The following TTC7A variants were observed in gnomAD, a reference collection of about 807,000 sequenced individuals.
The protein encoded by TTC7A is tetratricopeptide repeat protein 7A.
Under a neutral mutation model 103.7 loss-of-function variants are expected in TTC7A, and 110 were observed. The ratio of observed to expected loss-of-function variants is 1.06; its 90% CI spans 0.91 to 1.24. The LOEUF (loss-of-function observed/expected upper bound fraction) is 1.24, where lower values mean the gene tolerates loss of function less well. TTC7A is among the 50% of genes most tolerant of loss of function. The probability of loss-of-function intolerance (pLI) is 0.00; values close to 1 mark genes in which losing one functional copy is unlikely to be tolerated. For synonymous variants in TTC7A, 521 were observed against 467.9 expected (o/e 1.11, Z -1.47); for missense variants, 1,340 against 1,116.3 (o/e 1.20, Z -2.86).
At chr2:47,000,645 G>A (rs557487669) in intron 8 of TTC7A, among the ~76,000 whole-genome samples, 1 of 152,304 alleles carries the variant, frequency 6.6e-6, no homozygotes, top group South Asian at 2.1e-4. Context: ...CAGCACAGGG[G>A]GAGCATGACA....
chr2:46,933,618 C>G (rs1669821967), intron 2 of TTC7A, among the ~76,000 whole-genome samples: 1 of 152,164 alleles, frequency 6.6e-6, no homozygotes, highest in African/African-American at 2.4e-5. Context: ...AGGATGTGCT[C>G]TGAGCCAATG....
chr2:46,995,285 A>G (rs543501686), intron 8 of TTC7A, 86 bp downstream of exon 8: 2 of 1,318,808 alleles, frequency 1.5e-6, no homozygotes, highest in Non-Finnish European at 1.1e-6. Context: ...GCCACCCGTG[A>G]CCTAGCCAAA....
At chr2:47,006,828 TG>T in intron 10 of TTC7A, 104 bp downstream of exon 10, 1 of 935,648 alleles carries the variant, frequency 1.1e-6, no homozygotes, top group Non-Finnish European at 1.7e-6. Context: ...GGTATTATCC[TG>T]CCGCTGGTTT....
rs1677520004 is a variant in TTC7A, at chr2:47,007,288, A to G, written c.1287+564A>G. ...CTGCCCGGAGCAAGGAGCACCGGGC[A>G]TGAGTTCACTCTCTATCCACCCAGC... is the stretch of plus-strand genomic sequence containing the variant. On this transcript the variant is annotated intron_variant, in intron 10 of 19. Coordinates refer to ENST00000319190, the MANE Select transcript of TTC7A (RefSeq NM_020458.4). This position sits in a 1 kb window ranked among gnomAD's most constrained non-coding sequence, Gnocchi z 4.9. Among the ~76,000 whole-genome samples, 1 of 151,962 alleles carries G rather than the reference A, an allele frequency of 6.6e-6. No individual in the cohort carries two copies. Among genetic ancestry groups the G allele is most frequent in the African/African-American group, 2.4e-5 (1 of 41,350 alleles).
chr2:47,014,688 CA>C (rs2104506135), intron 11 of TTC7A, among the ~76,000 whole-genome samples: 1 of 152,382 alleles, frequency 6.6e-6, no homozygotes, highest in East Asian at 1.9e-4. Flanking sequence ...CCTGCCTTCG[CA>C]GTTATTCTGG....
intron 2 of TTC7A, among the ~76,000 whole-genome samples, chr2:46,933,135 G>C (rs1669799154): frequency 6.6e-6 from 1 of 152,174 alleles, no homozygotes; most frequent in Non-Finnish European, 1.5e-5. Flanking sequence ...GAAATCATGG[G>C]CTCCTGCTCT....
chr2:47,006,825 TC>T (rs2104458194), intron 10 of TTC7A, 101 bp downstream of exon 10: 1 of 958,994 alleles, frequency 1.0e-6, no homozygotes, highest in East Asian at 2.5e-5. Flanking sequence ...GTGGGTATTA[TC>T]CTGCCGCTGG....
chr2:47,066,918 A>T (rs1387607672), intron 19 of TTC7A, among the ~76,000 whole-genome samples: 1 of 152,196 alleles, frequency 6.6e-6, no homozygotes, highest in Non-Finnish European at 1.5e-5. Flanking sequence ...TTTGGCTCAC[A>T]GTTCTGGAGG....
At chr2:47,008,339 G>C (rs1677645535) in intron 10 of TTC7A, among the ~76,000 whole-genome samples, 1 of 152,182 alleles carries the variant, frequency 6.6e-6, no homozygotes, top group South Asian at 2.1e-4. Context: ...AAATCCGAGA[G>C]AGGCTCCTAG....
At chr2:47,052,484 A>G (rs1015821337) in intron 18 of TTC7A, among the ~76,000 whole-genome samples, 1 of 152,198 alleles carries the variant, frequency 6.6e-6, no homozygotes, top group Non-Finnish European at 1.5e-5. Context: ...AGTGCTCAGC[A>G]AAAGGTGTTT....
chr2:46,974,881 C>T (rs934535549), intron 3 of TTC7A, 92 bp from the exon 4 acceptor site: 3 of 1,539,368 alleles, frequency 1.9e-6, no homozygotes, highest in Non-Finnish European at 2.6e-6. Context: ...AGTGTCTGCC[C>T]CCTCGGATGA....
In TTC7A at chr2:46,994,365, C is replaced by T; in HGVS notation, c.852C>T (p.Ala284=). ...KATQNFKVMA[A]KHLAGVLLHS... is the part of the protein sequence containing the mutation. ...GCTTCCCTCTCTGCCAGATGGCGGCCAAGCACCTGGCGGGGGTCCTGCTGC... is the reference window on the plus strand; with the variant it reads ...GCTTCCCTCTCTGCCAGATGGCGGCTAAGCACCTGGCGGGGGTCCTGCTGC... Residue 284 remains alanine, a synonymous_variant, in exon 7 of 20, where the codon GCC becomes GCT. Transcript: ENST00000319190. The T allele has an allele frequency of 1.2e-6, 2 of 1,612,438 alleles. No homozygotes were observed. Among genetic ancestry groups the T allele is most frequent in the Non-Finnish European group, 1.7e-6 (2 of 1,179,130 alleles).
At chr2:47,046,486 A>T in intron 16 of TTC7A, 55 bp downstream of exon 16, 14 of 1,425,462 alleles carry the variant, frequency 9.8e-6, no homozygotes, top group South Asian at 1.1e-5. Context: ...CAGGGCAACA[A>T]TCCACAGCTG....
intron 8 of TTC7A, chr2:46,999,693 C>G (rs1339652411): frequency 2.0e-6 from 2 of 985,316 alleles, no homozygotes; most frequent in African/African-American, 3.5e-5. Flanking sequence ...GTGTATCAAA[C>G]CAGCCTGATT....
At chr2:46,931,432 T>C (rs1406046981) in intron 2 of TTC7A, among the ~76,000 whole-genome samples, 1 of 152,188 alleles carries the variant, frequency 6.6e-6, no homozygotes, top group Non-Finnish European at 1.5e-5. Flanking sequence ...GGTGATTAAA[T>C]TGAGGACCTT....
At chr2:46,969,376 G>A (rs1270236357) in intron 3 of TTC7A, among the ~76,000 whole-genome samples, 1 of 151,944 alleles carries the variant, frequency 6.6e-6, no homozygotes, top group Non-Finnish European at 1.5e-5. Context: ...GCTTAGTGGC[G>A]GGTGTCTGTA....
intron 18 of TTC7A, among the ~76,000 whole-genome samples, chr2:47,055,105 C>A (rs1447609561): frequency 6.6e-6 from 1 of 152,052 alleles, no homozygotes; most frequent in African/African-American, 2.4e-5. Context: ...CTCCCTAAAC[C>A]GCCTCCCCCA....
At chr2:47,047,287 C>G in intron 16 of TTC7A, 1 of 1,549,740 alleles carries the variant, frequency 6.5e-7, no homozygotes, top group Non-Finnish European at 8.7e-7. Context: ...GCCCAGAAGG[C>G]TTCCAGACTC....
At chr2:46,921,066 A>G (rs1669078692) in intron 2 of TTC7A, among the ~76,000 whole-genome samples, 1 of 152,160 alleles carries the variant, frequency 6.6e-6, no homozygotes, top group Non-Finnish European at 1.5e-5. Flanking sequence ...TAATATTCTT[A>G]GAGTGAAAGA....
Sources: gnomAD v4.1 joint callset for allele counts (sites outside exome capture counted in the v4.1 genomes callset) on GRCh38, gnomAD v4.1.1 for gene constraint, Gnocchi (gnomAD v3.1) non-coding constraint, MANE v1.5 for transcripts, NCBI Gene and HGNC (gene_info 2026-07-23, HGNC 2026-07-21) for gene names.